Variants in TKFC observed in about 807,000 individuals in gnomAD.
TKFC encodes the protein triokinase/FMN cyclase.
TKFC carries 46 observed loss-of-function variants against 61.0 expected under a neutral mutation model. That is an observed-to-expected ratio of 0.75 (90% CI 0.60 to 0.96). TKFC has a LOEUF of 0.96. TKFC is among the 50% of genes least tolerant of loss of function. The pLI, the probability that TKFC is intolerant of heterozygous loss-of-function variation, is 0.00. For missense variants in TKFC, 715 were observed against 777.5 expected, an observed-to-expected ratio of 0.92 and a Z score of 0.96; for synonymous variants, 314 against 330.1, an observed-to-expected ratio of 0.95 and a Z score of 0.53.
chr11:61,344,858 C>T (rs889159441), intron 13 of TKFC, among the ~76,000 whole-genome samples: 8 of 152,116 alleles, frequency 5.3e-5, no homozygotes, highest in Admixed American at 5.2e-4. Flanking sequence ...TGGTGCCTGC[C>T]GTGGGGCAGG....
rs56214441 is a variant in TKFC at position 61,344,359 on chromosome 11, C to CTTT, written c.1240+105_1240+107dup. 1.5e-3 allele frequency: 1,681 copies of CTTT among 1,086,134 alleles called. 4 individuals are homozygous for CTTT. Among genetic ancestry groups the CTTT allele is most frequent in the African/African-American group, 0.011 (583 of 53,778 alleles). 67.3% of individuals were successfully genotyped at this position (1,086,134 alleles called of 1,614,324 possible). A position where few individuals can be genotyped will look rare whatever the true frequency, so the allele number is the denominator to read the frequency against. On this transcript the variant is annotated intron_variant, in intron 13 of 17. Transcript: ENST00000394900. ...TGTTTCCCTGAAGGCAGGGACCTTC[C>CTTT]TTTTTTTTTTTTTTTTTTTTTAAGA...
At position 61,347,922 on chromosome 11, in the gene TKFC, GC is replaced by G. The variant is rs1267146223; in HGVS notation, c.*1424del. The G allele has an allele frequency of 2.0e-6, 2 of 985,216 alleles. No homozygotes were observed. Among genetic ancestry groups the G allele is most frequent in the Non-Finnish European group, 2.4e-6 (2 of 829,878 alleles). The allele number at this position is 985,216 out of a possible 1,614,324, so 61.0% of individuals were successfully genotyped here. ...GAGTTACGGTTATCACAGGGGTTGG[GC>G]CCCCAGCCCCTCCCAGGTCATCTGC... On this transcript the variant is annotated 3_prime_UTR_variant, in exon 18 of 18. Transcript: ENST00000394900.
intron 11 of TKFC, 90 bp downstream of exon 11, chr11:61,343,548 G>C: frequency 8.3e-7 from 1 of 1,210,682 alleles, no homozygotes; most frequent in Non-Finnish European, 1.2e-6. Flanking sequence ...AGGGCTGACC[G>C]TGACAATCAG....
In TKFC at chr11:61,346,288, A is replaced by G. The variant is rs764096453; in HGVS notation, c.1576-63A>G. 20 of 1,606,386 alleles carry G rather than the reference A, an allele frequency of 1.2e-5. No individual in the cohort carries two copies. In the Admixed American group the frequency reaches 2.3e-4, roughly 19 times the overall value. On this transcript the variant is annotated intron_variant, in intron 17 of 17. Transcript: ENST00000394900. This position sits in a 1 kb window ranked among gnomAD's most constrained non-coding sequence, Gnocchi z 4.1. ...GCTGCACGGCAGAGACGTTCTGCCC[A>G]TGGCAGGAAGGAGGCGGCCTGGTGA...
rs1856997922 is a variant in TKFC at position 61,344,074 on chromosome 11, T to A, written c.1103-62T>A. On this transcript the variant is annotated intron_variant, in intron 12 of 17. Transcript: ENST00000394900. ...GCCCTGGCACCCACACCTCCCACCATAGTCAAGTGTGGTTGTGAGAAGGGC... is the reference window on the plus strand; with the variant it reads ...GCCCTGGCACCCACACCTCCCACCAAAGTCAAGTGTGGTTGTGAGAAGGGC... 7 of 1,603,758 alleles carry A rather than the reference T, an allele frequency of 4.4e-6. No individual in the cohort carries two copies. In the Admixed American group the frequency reaches 6.7e-5, roughly 15 times the overall value.
chr11:61,353,221 C>G, downstream of TKFC: 1 of 1,475,688 alleles, frequency 6.8e-7, no homozygotes, highest in Non-Finnish European at 9.0e-7. Context: ...TCCTCCCCAT[C>G]TCTGCTCCCT....
At chr11:61,341,576 GAGC>G in intron 6 of TKFC, 62 bp downstream of exon 6, 1 of 1,531,020 alleles carries the variant, frequency 6.5e-7, no homozygotes. Flanking sequence ...CTGGGGCGAG[GAGC>G]AGGTTCCTGT....
In TKFC at chr11:61,348,171, A is replaced by G; in HGVS notation, c.*1668A>G. The G allele has an allele frequency of 2.0e-6, 2 of 985,450 alleles. No homozygotes were observed. The highest frequency in any genetic ancestry group is 9.4e-5 in the South Asian group (2 of 21,292). The allele number at this position is 985,450 out of a possible 1,614,324, so 61.0% of individuals were successfully genotyped here. A position where few individuals can be genotyped will look rare whatever the true frequency, so the allele number is the denominator to read the frequency against. Reference sequence around the variant, plus strand: ...CCTCAGACGGTGGCCTGTGGATCCCAGCTCTGTCATTTCCTGGCTGGGTGA... The same window carrying G: ...CCTCAGACGGTGGCCTGTGGATCCCGGCTCTGTCATTTCCTGGCTGGGTGA... On this transcript the variant is annotated 3_prime_UTR_variant, in exon 18 of 18. Transcript: ENST00000394900.
Position 61,348,399 on chromosome 11 carries a change from C to T in TKFC, c.*1896C>T. The stretch of plus-strand genomic sequence containing the variant: ...CCTTCCGGTTGGCCCCTCCCTAGGT[C>T]TGTGAGGGTCAGACCTGTCCTGAGG... On this transcript the variant is annotated 3_prime_UTR_variant, in exon 18 of 18. Transcript: ENST00000394900. The T allele has an allele frequency of 8.1e-6, 8 of 984,892 alleles. No homozygotes were observed. The highest frequency in any genetic ancestry group is 9.6e-6 in the Non-Finnish European group (8 of 829,474). 61.0% of individuals were successfully genotyped at this position (984,892 alleles called of 1,614,324 possible). A position where few individuals can be genotyped will look rare whatever the true frequency, so the allele number is the denominator to read the frequency against.
rs773291745 is a variant in TKFC, at chr11:61,337,891, G to T, written c.4-50G>T. ...CAGCAGTGTGGCTGCGCAGGATGGG[G>T]GTATCTGTACTGACCACATTCTGAC... On this transcript the variant is annotated intron_variant, in intron 2 of 17. Coordinates refer to ENST00000394900, the MANE Select transcript of TKFC (RefSeq NM_015533.4). The T allele has an allele frequency of 4.0e-6, 6 of 1,501,068 alleles. No individual in the cohort carries two copies. The South Asian group carries it at 8.0e-5, about 20-fold the overall frequency. 93.0% of individuals were successfully genotyped at this position (1,501,068 alleles called of 1,614,324 possible). A position where few individuals can be genotyped will look rare whatever the true frequency, so the allele number is the denominator to read the frequency against.
intron 11 of TKFC, 24 bp downstream of exon 11, chr11:61,343,482 C>T: frequency 3.1e-6 from 5 of 1,605,380 alleles, no homozygotes; most frequent in Non-Finnish European, 2.6e-6. Flanking sequence ...CCTGGGGTCA[C>T]CCAAGCCAGG....
intron 12 of TKFC, 36 bp from the exon 13 acceptor site, chr11:61,344,100 C>G: frequency 6.2e-7 from 1 of 1,609,896 alleles, no homozygotes; most frequent in Non-Finnish European, 8.5e-7. Context: ...TGAGAAGGGC[C>G]TGGTGGGCCT....
At chr11:61,344,050 C>T (rs1856996607) in intron 12 of TKFC, 75 bp downstream of exon 12, 1 of 1,597,126 alleles carries the variant, frequency 6.3e-7, no homozygotes, top group Non-Finnish European at 8.5e-7. Context: ...CGGGTAGGGG[C>T]CCTGGCACCC....
chr11:61,344,219 G>C lies in TKFC; in HGVS notation c.1186G>C (p.Asp396His). 6.2e-7 allele frequency: 1 copy of C among 1,612,854 alleles called. No individual in the cohort carries two copies. The highest frequency in any genetic ancestry group is 2.2e-5 in the East Asian group (1 of 44,880). ...LGLEEHLNALDRAAGDGDCGT... is the reference protein window; with the variant it reads ...LGLEEHLNALHRAAGDGDCGT... ...CCTGGAGGAACACCTGAATGCCCTGGACCGGGCTGCTGGTGACGGCGACTG... is the reference window on the plus strand; with the variant it reads ...CCTGGAGGAACACCTGAATGCCCTGCACCGGGCTGCTGGTGACGGCGACTG... Residue 396 changes from aspartate to histidine, a missense_variant, in exon 13 of 18, where the codon GAC becomes CAC. Transcript: ENST00000394900.
intron 5 of TKFC, 31 bp from the exon 6 acceptor site, chr11:61,341,405 C>T (rs370562273): frequency 4.7e-4 from 726 of 1,550,958 alleles, no homozygotes; most frequent in Non-Finnish European, 5.9e-4. Context: ...ATACCCTCCC[C>T]CCTGGGGCTT....
At chr11:61,352,947 C>T (rs377729009), downstream of TKFC, 3 of 1,614,092 alleles carry the variant, frequency 1.9e-6, no homozygotes, top group Non-Finnish European at 2.5e-6. Context: ...CCTATTCCCT[C>T]CTCTTCACCT....
At chr11:61,344,300 A>G (rs762852485) in intron 13 of TKFC, 27 bp downstream of exon 13, 55 of 1,597,864 alleles carry the variant, frequency 3.4e-5, no homozygotes, top group Non-Finnish European at 4.5e-5. Flanking sequence ...TTGCCAAGTG[A>G]GGTCATTCAC....
At chr11:61,341,740 G>A in intron 6 of TKFC, 83 bp from the exon 7 acceptor site, 2 of 1,379,364 alleles carry the variant, frequency 1.4e-6, no homozygotes, top group South Asian at 1.2e-5. Context: ...TGTGGGCAGG[G>A]CCTCTGAGAT....
chr11:61,348,000 C>T lies in TKFC; in HGVS notation c.*1497C>T, dbSNP rs577163489. On this transcript the variant is annotated 3_prime_UTR_variant, in exon 18 of 18. Transcript: ENST00000394900. ...CTCCTGCCCTCCCAACCCCCGTCAC[C>T]TACTTGGCCCAAATTTGGCTGCAGG... 2 of 985,470 alleles carry T rather than the reference C, an allele frequency of 2.0e-6. No individual in the cohort carries two copies. Among genetic ancestry groups the T allele is most frequent in the South Asian group, 9.4e-5 (2 of 21,284 alleles). The allele number at this position is 985,470 out of a possible 1,614,324, so 61.0% of individuals were successfully genotyped here. A position where few individuals can be genotyped will look rare whatever the true frequency, so the allele number is the denominator to read the frequency against.
Sources: gnomAD v4.1 joint callset for allele counts (sites outside exome capture counted in the v4.1 genomes callset) on GRCh38, gnomAD v4.1.1 for gene constraint, Gnocchi (gnomAD v3.1) non-coding constraint, MANE v1.5 for transcripts, NCBI Gene and HGNC (gene_info 2026-07-23, HGNC 2026-07-21) for gene names.